The following SLC14A2 variants were observed in gnomAD, a reference collection of about 807,000 sequenced individuals.
SLC14A2 encodes urea transporter 2.
SLC14A2 carries 91 observed loss-of-function variants against 104.6 expected under a neutral mutation model. That is an observed-to-expected ratio of 0.87 (90% confidence interval 0.73 to 1.04). The LOEUF (loss-of-function observed/expected upper bound fraction) is 1.04. Ranked by LOEUF, SLC14A2 falls within the 50% of genes least tolerant of loss-of-function variation. The probability of loss-of-function intolerance (pLI) is 0.00; values close to 1 mark genes in which losing one functional copy is unlikely to be tolerated. For missense variants in SLC14A2, 1,189 were observed against 1,156.0 expected, an observed-to-expected ratio of 1.03 and a Z score of -0.41; for synonymous variants, 476 against 466.4, an observed-to-expected ratio of 1.02 and a Z score of -0.27.
intron 1 of SLC14A2, among the ~76,000 whole-genome samples, chr18:45,360,939 C>A (rs1235204882): frequency 6.6e-6 from 1 of 152,136 alleles, no homozygotes; most frequent in Non-Finnish European, 1.5e-5. Flanking sequence ...CTCTGTGCCA[C>A]CCCTAATGTA....
chr18:45,366,453 G>T (rs2144341067), intron 1 of SLC14A2, among the ~76,000 whole-genome samples: 1 of 152,290 alleles, frequency 6.6e-6, no homozygotes, highest in Admixed American at 6.5e-5. Context: ...CCCCCGTGTG[G>T]CCACTCCTAC....
At chr18:45,613,064 T>G (rs2044997754), upstream of SLC14A2, among the ~76,000 whole-genome samples, 1 of 152,166 alleles carries the variant, frequency 6.6e-6, no homozygotes, top group Admixed American at 6.5e-5. Context: ...TGAGACAGTC[T>G]CACTCTGTCG....
chr18:45,581,510 G>A (rs368063959), intron 2 of SLC14A2, among the ~76,000 whole-genome samples: 3 of 152,198 alleles, frequency 2.0e-5, no homozygotes, highest in East Asian at 3.9e-4. Flanking sequence ...ACCACACCAA[G>A]TGCATTGTGT....
intron 1 of SLC14A2, among the ~76,000 whole-genome samples, chr18:45,268,436 T>C (rs1009306504): frequency 6.6e-6 from 1 of 152,196 alleles, no homozygotes. Context: ...GATAAATAAA[T>C]GGTACGATAT....
At chr18:45,338,423 G>A (rs573442347) in intron 1 of SLC14A2, among the ~76,000 whole-genome samples, 2 of 151,892 alleles carry the variant, frequency 1.3e-5, no homozygotes, top group South Asian at 2.1e-4. Flanking sequence ...GGATGGTTTC[G>A]ATCTCCTGAC....
intron 1 of SLC14A2, among the ~76,000 whole-genome samples, chr18:45,337,497 A>G (rs955015864): frequency 1.3e-5 from 2 of 152,132 alleles, no homozygotes; most frequent in South Asian, 4.2e-4. Context: ...AAAATCCTAA[A>G]CTTCCTCAAC....
intron 1 of SLC14A2, among the ~76,000 whole-genome samples, chr18:45,233,251 G>T (rs2084192743): frequency 6.6e-6 from 1 of 152,144 alleles, no homozygotes; most frequent in African/African-American, 2.4e-5. Flanking sequence ...TTGTTTAGGA[G>T]ATTTCACAAG....
chr18:45,330,075 G>T (rs2085273938), intron 1 of SLC14A2, among the ~76,000 whole-genome samples: 1 of 152,142 alleles, frequency 6.6e-6, no homozygotes, highest in Non-Finnish European at 1.5e-5. Context: ...AAGGCTCAAA[G>T]AATTAAATAA....
chr18:45,237,802 T>G (rs2084271125), intron 1 of SLC14A2, among the ~76,000 whole-genome samples: 1 of 152,122 alleles, frequency 6.6e-6, no homozygotes, highest in Non-Finnish European at 1.5e-5. Context: ...AGGGGCACCT[T>G]AAGGTTTCAG....
intron 1 of SLC14A2, among the ~76,000 whole-genome samples, chr18:45,431,363 C>A (rs1411965717): frequency 6.6e-6 from 1 of 152,156 alleles, no homozygotes; most frequent in Non-Finnish European, 1.5e-5. Context: ...TGGCCCCTCA[C>A]TACCTAGTTA....
chr18:45,193,105 T>C, the SLC14A2 span, among the ~76,000 whole-genome samples: 1,397 of 152,360 alleles, frequency 9.2e-3, 30 homozygotes, highest in African/African-American at 0.032. Flanking sequence ...TTTTATTATG[T>C]TTTGAGAATT....
chr18:45,483,466 G>A (rs1267486886), intron 2 of SLC14A2: 1 of 152,206 alleles, frequency 6.6e-6, no homozygotes, highest in African/African-American at 2.4e-5. Flanking sequence ...GGTGAGTCCT[G>A]TGAAGATCTC....
intron 1 of SLC14A2, among the ~76,000 whole-genome samples, chr18:45,229,523 C>T (rs1274406690): frequency 6.6e-6 from 1 of 152,178 alleles, no homozygotes; most frequent in African/African-American, 2.4e-5. Flanking sequence ...GTCACTCCTT[C>T]ACTCAGAAAC....
Position 45,586,848 on chromosome 18 carries a change from T to C in SLC14A2, c.-34-37783T>C, listed in dbSNP as rs1256901953. Reference sequence around the variant, plus strand: ...ACTGTCAGGGATCAGAGGGGGAGTCTTGGGGGTATGAGGAGCAGTGGAGAT... The same window carrying C: ...ACTGTCAGGGATCAGAGGGGGAGTCCTGGGGGTATGAGGAGCAGTGGAGAT... On this transcript the variant is annotated intron_variant, in intron 2 of 20. Transcript: ENST00000586448. Among the ~76,000 whole-genome samples, 6 of 152,146 alleles carry C rather than the reference T, an allele frequency of 3.9e-5. No individual in the cohort carries two copies. The East Asian group carries it at 1.2e-3, about 29-fold the overall frequency.
the SLC14A2 span, among the ~76,000 whole-genome samples, chr18:45,185,576 G>T: frequency 6.6e-6 from 1 of 152,114 alleles, no homozygotes; most frequent in Non-Finnish European, 1.5e-5. Flanking sequence ...TCTCTCTAAA[G>T]TTAGGAAGAA....
chr18:45,294,068 G>A (rs1055252004), intron 1 of SLC14A2, among the ~76,000 whole-genome samples: 2 of 152,176 alleles, frequency 1.3e-5, no homozygotes, highest in East Asian at 1.9e-4. Context: ...TGTCTTAAAA[G>A]AGTCATTTCT....
At chr18:45,276,123 A>T (rs2084699799) in intron 1 of SLC14A2, among the ~76,000 whole-genome samples, 1 of 152,218 alleles carries the variant, frequency 6.6e-6, no homozygotes, top group Non-Finnish European at 1.5e-5. Context: ...TTTCAATAGA[A>T]GTGTGTGAGG....
rs144691179 is a variant in SLC14A2, at chr18:45,279,870, A to G, written c.-125+66679A>G. Among the ~76,000 whole-genome samples, 520 of 152,174 alleles carry G rather than the reference A, an allele frequency of 3.4e-3. 3 individuals are homozygous for G. The highest frequency in any genetic ancestry group is 0.011 in the African/African-American group (465 of 41,508). ...AAGACATTTAATAAGTAACCTCAGC[A>G]CTGTTCACATTCTAGGCTGCATAGT... On this transcript the variant is annotated intron_variant, in intron 1 of 20. Coordinates refer to the SLC14A2 transcript ENST00000586448.
At chr18:45,199,949 C>T in the SLC14A2 span, among the ~76,000 whole-genome samples, 17 of 152,180 alleles carry the variant, frequency 1.1e-4, no homozygotes, top group East Asian at 3.9e-4. Context: ...AGTCTGTGTC[C>T]GATCAGGAGT....
Sources: allele counts gnomAD v4.1 joint callset (sites outside exome capture counted in the v4.1 genomes callset), GRCh38; gene constraint gnomAD v4.1.1; transcripts MANE v1.5; gene names NCBI Gene and HGNC (gene_info 2026-07-23, HGNC 2026-07-21).